Variants in CNOT10 observed in about 807,000 individuals in gnomAD.
CNOT10 encodes the protein CCR4-NOT transcription complex, subunit 10.
CNOT10 carries 30 observed loss-of-function variants against 94.6 expected under a neutral mutation model. The ratio of observed to expected loss-of-function variants is 0.32; its 90% CI spans 0.24 to 0.43. The LOEUF (loss-of-function observed/expected upper bound fraction) is 0.43, where lower values mean the gene tolerates loss of function less well. Ranked by LOEUF, CNOT10 falls within the 20% of genes least tolerant of loss-of-function variation. The pLI is 1.00. For synonymous variants in CNOT10, 289 were observed against 301.6 expected (o/e 0.96, Z 0.43); for missense variants, 759 against 877.2 (o/e 0.87, Z 1.70).
intron 14 of CNOT10, among the ~76,000 whole-genome samples, chr3:32,761,742 T>A (rs895247090): frequency 8.2e-5 from 12 of 146,134 alleles, no homozygotes; most frequent in Non-Finnish European, 1.7e-4. Flanking sequence ...TTTTTTTTTT[T>A]CTTTTTTTGA....
chr3:32,724,876 A>T (rs565543908), intron 8 of CNOT10, among the ~76,000 whole-genome samples: 2 of 151,930 alleles, frequency 1.3e-5, no homozygotes, highest in Non-Finnish European at 2.9e-5. Context: ...GTTCTTTTCT[A>T]TATATTCTTG....
intron 13 of CNOT10, among the ~76,000 whole-genome samples, chr3:32,750,324 A>G (rs1446415064): frequency 6.6e-6 from 1 of 151,978 alleles, no homozygotes; most frequent in East Asian, 2.0e-4. Context: ...GTGAAACCCC[A>G]TCTCTACTAA....
At chr3:32,761,413 G>A (rs553298710) in intron 14 of CNOT10, among the ~76,000 whole-genome samples, 13 of 152,274 alleles carry the variant, frequency 8.5e-5, no homozygotes, top group African/African-American at 3.1e-4. Context: ...GTTTGTGTGT[G>A]ACTGAGTCTG....
chr3:32,699,063 G>A (rs182663645), intron 1 of CNOT10, among the ~76,000 whole-genome samples: 1 of 152,292 alleles, frequency 6.6e-6, no homozygotes, highest in East Asian at 1.9e-4. Flanking sequence ...TGGAACTACA[G>A]GTGTGAGCCA....
intron 13 of CNOT10, among the ~76,000 whole-genome samples, chr3:32,740,178 A>G (rs1391893913): frequency 2.6e-5 from 4 of 152,232 alleles, no homozygotes; most frequent in South Asian, 4.1e-4. Flanking sequence ...ACTTTAGTAC[A>G]TGCTGGGTGC....
At chr3:32,762,936 G>GAGA in intron 15 of CNOT10, 73 bp downstream of exon 15, 1 of 1,421,106 alleles carries the variant, frequency 7.0e-7, no homozygotes, top group South Asian at 1.7e-5. Flanking sequence ...AGGATGTGTG[G>GAGA]AAATTTAGGC....
At chr3:32,697,532 A>C (rs1354657106) in intron 1 of CNOT10, among the ~76,000 whole-genome samples, 1 of 151,930 alleles carries the variant, frequency 6.6e-6, no homozygotes, top group African/African-American at 2.4e-5. Flanking sequence ...GTGCAGTGGC[A>C]TGGTCACGGC....
chr3:32,697,645 A>G (rs6550152), intron 1 of CNOT10, among the ~76,000 whole-genome samples: 74,510 of 151,564 alleles, frequency 0.49, 19,265 homozygotes, highest in Non-Finnish European at 0.56. Flanking sequence ...TAATTAAAAC[A>G]ATTTTTTAAA....
chr3:32,739,077 T>C (rs1318964400), intron 13 of CNOT10, among the ~76,000 whole-genome samples: 4 of 152,120 alleles, frequency 2.6e-5, no homozygotes, highest in Non-Finnish European at 4.4e-5. Flanking sequence ...GCTAAATTTT[T>C]GTGTTTTTAG....
At chr3:32,754,811 C>A (rs1255859263) in intron 13 of CNOT10, among the ~76,000 whole-genome samples, 2 of 149,834 alleles carry the variant, frequency 1.3e-5, no homozygotes, top group African/African-American at 4.9e-5. Flanking sequence ...CATGAGCCAC[C>A]GTGCCTGGCC....
At chr3:32,687,021 AGGTCCACAGTGATT>A (rs1696629322) in intron 1 of CNOT10, among the ~76,000 whole-genome samples, 2 of 152,182 alleles carry the variant, frequency 1.3e-5, no homozygotes, top group African/African-American at 4.8e-5. Context: ...TTGAAGAATA[AGGTCCACAGTGATT>A]AGGGGACTGT....
chr3:32,773,845 C>T lies in CNOT10; in HGVS notation c.*234C>T, dbSNP rs1701011214. On this transcript the variant is annotated 3_prime_UTR_variant, in exon 19 of 19. Coordinates refer to ENST00000328834, the MANE Select transcript of CNOT10 (RefSeq NM_015442.3). Reference sequence around the variant, plus strand: ...TTTTGAGCCATTATGTAATATATGCCATAGGCAATTAAAACATAATTTTAT... The same window carrying T: ...TTTTGAGCCATTATGTAATATATGCTATAGGCAATTAAAACATAATTTTAT... 4.8e-6 allele frequency: 2 copies of T among 413,486 alleles called. No individual in the cohort carries two copies. The highest frequency in any genetic ancestry group is 2.0e-5 in the African/African-American group (1 of 48,828). 25.6% of individuals were successfully genotyped at this position (413,486 alleles called of 1,614,324 possible). A position where few individuals can be genotyped will look rare whatever the true frequency, so the allele number is the denominator to read the frequency against.
intron 13 of CNOT10, among the ~76,000 whole-genome samples, chr3:32,745,009 G>T (rs889636069): frequency 6.6e-6 from 1 of 152,116 alleles, no homozygotes; most frequent in Non-Finnish European, 1.5e-5. Context: ...CTTCCAAGTA[G>T]CTGGGATTAC....
At chr3:32,689,963 CAAAA>C (rs1034920727) in intron 1 of CNOT10, among the ~76,000 whole-genome samples, 1 of 151,960 alleles carries the variant, frequency 6.6e-6, no homozygotes, top group Non-Finnish European at 1.5e-5. Context: ...AAACAGAAAA[CAAAA>C]AAGCCAATAC....
At position 32,687,439 on chromosome 3, in the gene CNOT10, G is replaced by GTTTTTTTTTTTGTTTTTT. The variant is rs1553626981; in HGVS notation, c.22+1968_22+1969insGTTTTTTTTTTTTTTTTT. ...TTCTTTCTCCTTTTAAGTCCTCACG[G>GTTTTTTTTTTTGTTTTTT]TTTTTTTTTTTTGTTTTTTTTTTTT... On this transcript the variant is annotated intron_variant, in intron 1 of 18. Transcript: ENST00000328834. Among the ~76,000 whole-genome samples, 238 of 51,312 alleles carry GTTTTTTTTTTTGTTTTTT rather than the reference G, an allele frequency of 4.6e-3. 71 individuals are homozygous for GTTTTTTTTTTTGTTTTTT. Among genetic ancestry groups the GTTTTTTTTTTTGTTTTTT allele is most frequent in the Middle Eastern group, 0.042 (2 of 48 alleles). The allele number at this position is 51,312 out of a possible 152,430, so 33.7% of individuals were successfully genotyped here.
At chr3:32,694,248 T>C (rs1427563363) in intron 1 of CNOT10, among the ~76,000 whole-genome samples, 1 of 151,762 alleles carries the variant, frequency 6.6e-6, no homozygotes, top group African/African-American at 2.4e-5. Flanking sequence ...CTTGGTAAAA[T>C]TTTTTAAGTA....
At chr3:32,763,119 A>G (rs1700520676) in intron 15 of CNOT10, among the ~76,000 whole-genome samples, 1 of 152,060 alleles carries the variant, frequency 6.6e-6, no homozygotes, top group Non-Finnish European at 1.5e-5. Context: ...GATACTATTT[A>G]TTTGTTTTCC....
chr3:32,711,289 C>T (rs1697879189), intron 4 of CNOT10, among the ~76,000 whole-genome samples: 1 of 152,146 alleles, frequency 6.6e-6, no homozygotes, highest in South Asian at 2.1e-4. Context: ...GTAGTATTTA[C>T]ATACAGTCTC....
chr3:32,716,422 T>C, intron 6 of CNOT10, 111 bp downstream of exon 6: 1 of 545,534 alleles, frequency 1.8e-6, no homozygotes, highest in Non-Finnish European at 3.3e-6. Flanking sequence ...AAGGTGCATA[T>C]ATTTGTTTGT....
Sources: allele counts gnomAD v4.1 joint callset (sites outside exome capture counted in the v4.1 genomes callset), GRCh38; gene constraint gnomAD v4.1.1; transcripts MANE v1.5; gene names NCBI Gene and HGNC (gene_info 2026-07-23, HGNC 2026-07-21).